PALD1: variants seen among roughly 807,000 people sequenced by gnomAD.
PALD1 encodes phosphatase domain containing paladin 1, also known as paladin.
PALD1 carries 57 observed loss-of-function variants against 96.0 expected under a neutral mutation model. The observed-to-expected ratio is 0.59, with a 90% CI of 0.48 to 0.74. PALD1 has a LOEUF of 0.74. PALD1 is among the 30% of genes least tolerant of loss of function. The probability of loss-of-function intolerance (pLI) is 0.00; values close to 1 mark genes in which losing one functional copy is unlikely to be tolerated. For synonymous variants in PALD1, 464 were observed against 473.6 expected (o/e 0.98, Z 0.26); for missense variants, 1,063 against 1,143.7 (o/e 0.93, Z 1.02).
chr10:70,490,101 T>G (rs547735584), intron 1 of PALD1, among the ~76,000 whole-genome samples: 1 of 152,316 alleles, frequency 6.6e-6, no homozygotes, highest in East Asian at 1.9e-4. Flanking sequence ...TTTTGTATTT[T>G]TAGTAGAGAT....
chr10:70,566,994 C>G lies in PALD1; in HGVS notation c.*261C>G, dbSNP rs1714408890. On this transcript the variant is annotated 3_prime_UTR_variant, in exon 20 of 20. Transcript: ENST00000263563. ...CACTCACTGGAGTGCTCACAAGGTG[C>G]ACACTGCTGTGTGTACCTTGCAGAC... The G allele has an allele frequency of 6.2e-6, 3 of 483,042 alleles. No individual in the cohort carries two copies. In the Admixed American group the frequency reaches 1.2e-4, roughly 19 times the overall value. The allele number at this position is 483,042 out of a possible 1,614,324, so 29.9% of individuals were successfully genotyped here.
chr10:70,548,259 C>G (rs1007929157), intron 18 of PALD1, among the ~76,000 whole-genome samples: 1 of 151,924 alleles, frequency 6.6e-6, no homozygotes, highest in Non-Finnish European at 1.5e-5. Flanking sequence ...GAGCCAAGAT[C>G]GTGCCATTGC....
At chr10:70,534,669 T>C (rs1847071441) in intron 9 of PALD1, 70 bp from the exon 10 acceptor site, 1 of 1,237,610 alleles carries the variant, frequency 8.1e-7, no homozygotes. Flanking sequence ...TCTTTTCTCC[T>C]GCCGTTCTGC....
chr10:70,562,991 A>C (rs113787893), intron 18 of PALD1, among the ~76,000 whole-genome samples: 5 of 152,020 alleles, frequency 3.3e-5, no homozygotes, highest in African/African-American at 1.2e-4. Context: ...CATACTCTCA[A>C]ACCCTCAGTG....
In PALD1 at chr10:70,538,395, C is replaced by T. The variant is rs1334346326; in HGVS notation, c.1439C>T (p.Ala480Val). Residue 480 changes from alanine (A) to valine (V), a missense_variant, in exon 12 of 20, where the codon GCC (alanine) becomes GTC (valine). Coordinates refer to ENST00000263563, the MANE Select transcript of PALD1 (RefSeq NM_014431.3). ...AGPVAPRDLI[A>V]RGSLREDDLV... ...CCTGTGGCTCCGAGGGACCTCATCGCCAGGGGCTCCCTAGTGAGTATGACT... is the reference window on the plus strand; with the variant it reads ...CCTGTGGCTCCGAGGGACCTCATCGTCAGGGGCTCCCTAGTGAGTATGACT... The T allele has an allele frequency of 6.2e-7, 1 of 1,611,676 alleles. No homozygotes were observed. Among genetic ancestry groups the T allele is most frequent in the Admixed American group, 1.7e-5 (1 of 59,964 alleles).
rs186553681 is a variant in PALD1 at position 70,497,432 on chromosome 10, G to A, written c.-30+18373G>A. 8.1e-4 allele frequency among the ~76,000 whole-genome samples: 124 copies of A among 152,290 alleles called. 1 individual carries two copies. The highest frequency in any genetic ancestry group is 2.7e-3 in the African/African-American group (113 of 41,568). On this transcript the variant is annotated intron_variant, in intron 1 of 19. Coordinates refer to ENST00000263563, the MANE Select transcript of PALD1 (RefSeq NM_014431.3). The stretch of plus-strand genomic sequence containing the variant: ...GGTAGCGTTTGGGTCATTCCTCAGC[G>A]CCACTCGCACAGCTCTCCTGACTGT...
chr10:70,470,602 TA>T, the PALD1 span, among the ~76,000 whole-genome samples: 1 of 146,552 alleles, frequency 6.8e-6, no homozygotes, highest in Non-Finnish European at 1.5e-5. Context: ...TAAATAATAT[TA>T]TTTTTTATTA....
chr10:70,520,285 C>T (rs1411360624), intron 1 of PALD1, among the ~76,000 whole-genome samples: 1 of 149,002 alleles, frequency 6.7e-6, no homozygotes. Flanking sequence ...GTTGTGGCTG[C>T]TGCACCCTGG....
the PALD1 span, among the ~76,000 whole-genome samples, chr10:70,466,973 T>C: frequency 3.3e-5 from 5 of 152,144 alleles, no homozygotes; most frequent in Admixed American, 6.5e-5. Flanking sequence ...TTTTAACAAT[T>C]TCGCTGCCTC....
rs1847868079 is a variant in PALD1 at position 70,566,926 on chromosome 10, C to T, written c.*193C>T. ...AGGACAGGGAGACAGCACAGCCATC[C>T]CTTGCAAACCACCAAGGTGTGTGGC... On this transcript the variant is annotated 3_prime_UTR_variant, in exon 20 of 20. Coordinates refer to ENST00000263563, the MANE Select transcript of PALD1 (RefSeq NM_014431.3). 2 of 563,420 alleles carry T rather than the reference C, an allele frequency of 3.5e-6. No homozygotes were observed. Among genetic ancestry groups the T allele is most frequent in the Admixed American group, 3.3e-5 (1 of 30,326 alleles). 34.9% of individuals were successfully genotyped at this position (563,420 alleles called of 1,614,324 possible). A position where few individuals can be genotyped will look rare whatever the true frequency, so the allele number is the denominator to read the frequency against.
chr10:70,529,456 G>A (rs558893987), intron 3 of PALD1, 125 bp downstream of exon 3: 38 of 626,898 alleles, frequency 6.1e-5, no homozygotes, highest in African/African-American at 5.2e-4. Flanking sequence ...TTTTCAGAAC[G>A]GGCAGGGCCC....
intron 1 of PALD1, among the ~76,000 whole-genome samples, chr10:70,516,282 C>A (rs1846617819): frequency 6.6e-6 from 1 of 152,136 alleles, no homozygotes; most frequent in African/African-American, 2.4e-5. Context: ...AGGCGTGCAA[C>A]CACCACGCCT....
intron 11 of PALD1, 80 bp from the exon 12 acceptor site, chr10:70,538,200 C>A: frequency 1.4e-6 from 2 of 1,460,592 alleles, no homozygotes; most frequent in Non-Finnish European, 1.9e-6. Flanking sequence ...TTTGGGGCTT[C>A]CCCTGCCATG....
At chr10:70,497,201 C>T (rs1201545481) in intron 1 of PALD1, among the ~76,000 whole-genome samples, 1 of 152,244 alleles carries the variant, frequency 6.6e-6, no homozygotes, top group Non-Finnish European at 1.5e-5. Context: ...CAGGCACAGA[C>T]CCCGATCAGC....
intron 1 of PALD1, among the ~76,000 whole-genome samples, chr10:70,515,568 T>C (rs1846604028): frequency 6.6e-6 from 1 of 152,232 alleles, no homozygotes; most frequent in African/African-American, 2.4e-5. Context: ...AGCTGGCAGT[T>C]GCTGGGAGTT....
intron 1 of PALD1, among the ~76,000 whole-genome samples, chr10:70,486,606 C>A (rs1846020015): frequency 6.6e-6 from 1 of 152,014 alleles, no homozygotes. Context: ...ACTAATAATA[C>A]AAAAATTAGC....
In PALD1 at chr10:70,531,355, G is replaced by A; in HGVS notation, c.534G>A (p.Val178=). The A allele has an allele frequency of 3.1e-6, 5 of 1,614,030 alleles. No homozygotes were observed. Among genetic ancestry groups the A allele is most frequent in the Non-Finnish European group, 4.2e-6 (5 of 1,179,920 alleles). ...TCCTGCGTGCAGATGAGGACTTTGT[G>A]TCCTACACACCTCGAGACAAGCAGA... The part of the protein sequence containing the change: ...VLFLRADEDF[V]SYTPRDKQNL... Residue 178 remains valine, a synonymous_variant, in exon 5 of 20, where the codon GTG becomes GTA. Transcript: ENST00000263563.
In PALD1 at chr10:70,526,070, G is replaced by A; in HGVS notation, c.119G>A (p.Ser40Asn). The change falls in exon 2 of 20, where the codon AGC becomes AAC. Residue 40 changes from serine to asparagine, a missense_variant. Coordinates refer to ENST00000263563, the MANE Select transcript of PALD1 (RefSeq NM_014431.3). ...TCCGTCAGCATCCACTCCTTCCAGA[G>A]CACTAGCTTGCATAACAGCAAGGCC... ...RHSVSIHSFQ[S>N]TSLHNSKAKS... 5 of 1,614,186 alleles carry A rather than the reference G, an allele frequency of 3.1e-6. No homozygotes were observed. Among genetic ancestry groups the A allele is most frequent in the Non-Finnish European group, 4.2e-6 (5 of 1,180,024 alleles).
chr10:70,507,138 G>A (rs529400931), intron 1 of PALD1, among the ~76,000 whole-genome samples: 11 of 151,886 alleles, frequency 7.2e-5, no homozygotes, highest in Non-Finnish European at 1.0e-4. Context: ...ACGGTGGCTC[G>A]TGCCTGTAAT....
Sources: allele counts gnomAD v4.1 joint callset (sites outside exome capture counted in the v4.1 genomes callset), GRCh38; gene constraint gnomAD v4.1.1; transcripts MANE v1.5; gene names NCBI Gene and HGNC (gene_info 2026-07-23, HGNC 2026-07-21).